COTL1: variants seen among roughly 807,000 people sequenced by gnomAD.
COTL1 encodes the protein coactosin-like protein.
A neutral mutation model predicts 16.5 loss-of-function variants in COTL1; 15 were observed. That is an observed-to-expected ratio of 0.91 (90% CI 0.61 to 1.40). The LOEUF is 1.40. COTL1 is among the 40% of genes most tolerant of loss of function. The pLI is 0.00. For missense variants in COTL1, 220 were observed against 201.5 expected (o/e 1.09, Z -0.56); for synonymous variants, 112 against 85.3 (o/e 1.31, Z -1.73).
Position 84,590,952 on chromosome 16 carries a change from T to G in COTL1, c.161-690A>C, listed in dbSNP as rs1182963357. On this transcript the variant is annotated intron_variant, in intron 2 of 3. Coordinates refer to ENST00000262428, the MANE Select transcript of COTL1 (RefSeq NM_021149.5). The surrounding 1 kb of genome is among the most constrained non-coding windows in gnomAD (Gnocchi z 5.5). Reference sequence around the variant, plus strand: ...ATGACTAGGGCAATTAGGTCAACAATGAATTCTGAACACATTTCCATTGGC... The same window carrying G: ...ATGACTAGGGCAATTAGGTCAACAAGGAATTCTGAACACATTTCCATTGGC... Among the ~76,000 whole-genome samples the G allele has an allele frequency of 6.6e-6, 1 of 152,192 alleles. No homozygotes were observed. The highest frequency in any genetic ancestry group is 2.4e-5 in the African/African-American group (1 of 41,438).
In COTL1 at chr16:84,583,129, C is replaced by T. The variant is rs142317381; in HGVS notation, c.318+6976G>A. Among the ~76,000 whole-genome samples the T allele has an allele frequency of 2.3e-3, 346 of 152,314 alleles. 1 individual carries two copies. The highest frequency in any genetic ancestry group is 3.8e-3 in the Non-Finnish European group (259 of 68,032). On this transcript the variant is annotated intron_variant, in intron 3 of 3. Coordinates refer to ENST00000262428, the MANE Select transcript of COTL1 (RefSeq NM_021149.5). ...GTGCAGTGTGGTGAAGTGGCCGTGT[C>T]GGGGCTCTGAGCCCACAGCCTGGAT... is the stretch of plus-strand genomic sequence containing the variant.
At chr16:84,582,244 C>T (rs532040020) in intron 3 of COTL1, among the ~76,000 whole-genome samples, 1 of 152,058 alleles carries the variant, frequency 6.6e-6, no homozygotes, top group Non-Finnish European at 1.5e-5. Flanking sequence ...ATCCACCCAC[C>T]TCGGCCTCCC....
intron 3 of COTL1, chr16:84,567,327 T>C (rs1904303201): frequency 1.1e-5 from 2 of 185,892 alleles, no homozygotes; most frequent in Admixed American, 6.2e-5. Context: ...GTCAGGAAAA[T>C]AATAGGTTAC....
In COTL1 at chr16:84,617,511, C is replaced by G. The variant is rs1158839666; in HGVS notation, c.150G>C (p.Gln50His). The G allele has an allele frequency of 6.4e-7, 1 of 1,553,696 alleles. No individual in the cohort carries two copies. Among genetic ancestry groups the G allele is most frequent in the Non-Finnish European group, 8.7e-7 (1 of 1,148,260 alleles). The change falls in exon 2 of 4, where the codon CAG becomes CAC. Residue 50 changes from glutamine (Q) to histidine (H), a missense_variant. Physicochemically the swap from Gln to His is conservative, Grantham distance 24 (BLOSUM62 0). Transcript: ENST00000262428. ...EQGAEYQHFI[Q>H]QCTDDVRLFA... ...GGCGCGCCTCCCTACCTGTGCACTG[C>G]TGGATGAAGTGCTGGTACTCCGCTC...
At chr16:84,573,752 A>AAT (rs1199133175) in intron 3 of COTL1, among the ~76,000 whole-genome samples, 24 of 148,406 alleles carry the variant, frequency 1.6e-4, no homozygotes, top group Middle Eastern at 3.6e-3. Context: ...AAAAAAAAAA[A>AAT]ATATATATAT....
chr16:84,578,918 T>C (rs2966328), intron 3 of COTL1, among the ~76,000 whole-genome samples: 6 of 115,340 alleles, frequency 5.2e-5, no homozygotes, highest in Admixed American at 7.6e-5. Context: ...CATGCATGCA[T>C]ACACACAGAT....
At chr16:84,610,405 CTG>C (rs1269670127) in intron 2 of COTL1, among the ~76,000 whole-genome samples, 1 of 152,244 alleles carries the variant, frequency 6.6e-6, no homozygotes, top group Non-Finnish European at 1.5e-5. Context: ...CCACCAGGCT[CTG>C]TTCCTGAGTT....
intron 3 of COTL1, among the ~76,000 whole-genome samples, chr16:84,571,401 C>T (rs1904334065): frequency 6.6e-6 from 1 of 152,172 alleles, no homozygotes; most frequent in Non-Finnish European, 1.5e-5. Context: ...TCTTGCCCCT[C>T]AATTCAGAAG....
chr16:84,604,867 A>G (rs542798641), intron 2 of COTL1, among the ~76,000 whole-genome samples: 425 of 152,232 alleles, frequency 2.8e-3, no homozygotes, highest in African/African-American at 9.9e-3. Context: ...TGAACAATAC[A>G]CTCCATTTTA....
intron 3 of COTL1, among the ~76,000 whole-genome samples, chr16:84,574,383 C>T (rs1052934364): frequency 1.3e-5 from 2 of 152,166 alleles, no homozygotes; most frequent in African/African-American, 4.8e-5. Context: ...CTGGGGGCAC[C>T]GTCACCTGTG....
chr16:84,582,268 T>G (rs761513175), intron 3 of COTL1, among the ~76,000 whole-genome samples: 1 of 152,146 alleles, frequency 6.6e-6, no homozygotes, highest in African/African-American at 2.4e-5. Flanking sequence ...GTGCTGGGAT[T>G]ACAGGCATGA....
rs772608830 is a variant in COTL1, at chr16:84,590,826, TAGAG to T, written c.161-568_161-565del. ...CAGTTTGGAATGAGACTCTACACTG[TAGAG>T]AGACAGGAGGGGCAAGGGGGGTGCT... On this transcript the variant is annotated intron_variant, in intron 2 of 3. Transcript: ENST00000262428. This position sits in a 1 kb window ranked among gnomAD's most constrained non-coding sequence, Gnocchi z 5.5. 1.7e-4 allele frequency among the ~76,000 whole-genome samples: 26 copies of T among 152,142 alleles called. No individual in the cohort carries two copies. The highest frequency in any genetic ancestry group is 3.2e-4 in the Non-Finnish European group (22 of 68,016).
intron 3 of COTL1, chr16:84,576,810 A>G (rs1025508712): frequency 6.6e-5 from 10 of 152,236 alleles, no homozygotes; most frequent in African/African-American, 1.4e-4. Flanking sequence ...AGCTCTCACA[A>G]TGAAGGCTGC....
intron 3 of COTL1, among the ~76,000 whole-genome samples, chr16:84,580,403 T>C (rs749416540): frequency 3.3e-5 from 5 of 152,126 alleles, no homozygotes; most frequent in Non-Finnish European, 5.9e-5. Context: ...CATAACACCA[T>C]GCTCGGCTAA....
chr16:84,582,977 T>A (rs17825992), intron 3 of COTL1, among the ~76,000 whole-genome samples: 34,762 of 152,072 alleles, frequency 0.23, 4,110 homozygotes, highest in Non-Finnish European at 0.27. Context: ...GCTTCCACCA[T>A]CAAGGAAGAT....
intron 3 of COTL1, among the ~76,000 whole-genome samples, 176 bp downstream of exon 3, chr16:84,589,929 C>G (rs530454735): frequency 6.6e-6 from 1 of 152,310 alleles, no homozygotes; most frequent in Admixed American, 6.5e-5. Flanking sequence ...AGCCAGCATC[C>G]TGAAACAATT....
At chr16:84,600,310 C>G (rs527663541) in intron 2 of COTL1, among the ~76,000 whole-genome samples, 22 of 135,134 alleles carry the variant, frequency 1.6e-4, no homozygotes, top group African/African-American at 6.2e-4. Context: ...TGAATAAAGG[C>G]TCTTTTTTTT....
At chr16:84,595,448 C>G (rs970473536) in intron 2 of COTL1, 2 of 152,264 alleles carry the variant, frequency 1.3e-5, no homozygotes, top group Admixed American at 6.5e-5. Context: ...CTCTCCCCAA[C>G]CCTGCTCACC....
chr16:84,617,857 C>T lies in COTL1; in HGVS notation c.58G>A (p.Asp20Asn), dbSNP rs540291446. The change falls in exon 1 of 4, where the codon GAC becomes AAC. Residue 20 changes from aspartate to asparagine, a missense_variant. Physicochemically the swap from Asp to Asn is conservative, Grantham distance 23. Transcript: ENST00000262428. ...TCCTACCAGATGACGGCCGAGCCGT[C>T]GTCGCGCACCAGGTTGTACGCCGCC... ...CRAAYNLVRD[D>N]GSAVIWVTFK... 2 of 1,575,850 alleles carry T rather than the reference C, an allele frequency of 1.3e-6. No homozygotes were observed. Among genetic ancestry groups the T allele is most frequent in the African/African-American group, 1.3e-5 (1 of 74,188 alleles).
Sources: gnomAD v4.1 joint callset for allele counts (sites outside exome capture counted in the v4.1 genomes callset) on GRCh38, gnomAD v4.1.1 for gene constraint, Gnocchi (gnomAD v3.1) non-coding constraint, MANE v1.5 for transcripts, NCBI Gene and HGNC (gene_info 2026-07-23, HGNC 2026-07-21) for gene names.